EXOC6B: variants seen among roughly 807,000 people sequenced by gnomAD.
EXOC6B encodes SEC15 homolog B.
Under a neutral mutation model 113.5 loss-of-function variants are expected in EXOC6B, and 54 were observed. The observed-to-expected ratio is 0.48, with a 90% CI of 0.38 to 0.60. The LOEUF (loss-of-function observed/expected upper bound fraction) is 0.60. EXOC6B is among the 20% of genes least tolerant of loss of function. The probability of loss-of-function intolerance (pLI) is 0.00; values close to 1 mark genes in which losing one functional copy is unlikely to be tolerated. For missense variants in EXOC6B, 797 were observed against 977.5 expected (o/e 0.82, Z 2.46); for synonymous variants, 357 against 339.0 (o/e 1.05, Z -0.58).
At chr2:72,248,293 C>T (rs142053396) in intron 20 of EXOC6B, among the ~76,000 whole-genome samples, 100 of 152,204 alleles carry the variant, frequency 6.6e-4, no homozygotes, top group African/African-American at 2.3e-3. Context: ...TAAATTGAAG[C>T]TCTTTGAAGA....
At chr2:72,513,622 G>A (rs193065543) in intron 10 of EXOC6B, among the ~76,000 whole-genome samples, 1 of 151,728 alleles carries the variant, frequency 6.6e-6, no homozygotes, top group African/African-American at 2.4e-5. Flanking sequence ...AAATTTTAAA[G>A]AGATCATAAA....
intron 17 of EXOC6B, among the ~76,000 whole-genome samples, chr2:72,465,938 GA>G (rs2105422563): frequency 6.6e-6 from 1 of 152,228 alleles, no homozygotes; most frequent in South Asian, 2.1e-4. Context: ...GTGATTTAAT[GA>G]AATCCAATAG....
intron 6 of EXOC6B, among the ~76,000 whole-genome samples, chr2:72,590,473 A>C (rs1320276191): frequency 6.6e-6 from 1 of 151,968 alleles, no homozygotes; most frequent in Admixed American, 6.6e-5. Flanking sequence ...ATTCCCCAGA[A>C]ATTCTACATA....
At chr2:72,810,344 T>G (rs1267315617) in intron 1 of EXOC6B, among the ~76,000 whole-genome samples, 2 of 108,732 alleles carry the variant, frequency 1.8e-5, no homozygotes, top group Non-Finnish European at 4.0e-5. Flanking sequence ...CTAAAATAAA[T>G]AAATAAATAA....
intron 6 of EXOC6B, among the ~76,000 whole-genome samples, chr2:72,715,432 TATATAATATATAAAA>T (rs1257224840): frequency 1.4e-5 from 2 of 148,084 alleles, no homozygotes; most frequent in Non-Finnish European, 3.0e-5. Flanking sequence ...TTAAAATATA[TATATAATATATAAAA>T]ATAAAATATG....
At chr2:72,751,176 T>C (rs1682014984) in intron 1 of EXOC6B, among the ~76,000 whole-genome samples, 1 of 152,040 alleles carries the variant, frequency 6.6e-6, no homozygotes, top group African/African-American at 2.4e-5. Context: ...CCTCAGGAGG[T>C]CCTGATGACA....
intron 20 of EXOC6B, among the ~76,000 whole-genome samples, chr2:72,209,242 A>AAAAAAG (rs1680027417): frequency 8.2e-6 from 1 of 121,302 alleles, no homozygotes; most frequent in Non-Finnish European, 1.9e-5. Context: ...AAAAAAAAAA[A>AAAAAAG]AAAAAGAAAA....
chr2:72,415,433 C>T (rs1694462831), intron 18 of EXOC6B, among the ~76,000 whole-genome samples: 1 of 151,426 alleles, frequency 6.6e-6, no homozygotes, highest in African/African-American at 2.4e-5. Context: ...ACAGAAAACA[C>T]CTATATTTGA....
chr2:72,557,418 T>C lies in EXOC6B; in HGVS notation c.915+2035A>G, dbSNP rs952616885. Among the ~76,000 whole-genome samples, 6 of 150,450 alleles carry C rather than the reference T, an allele frequency of 4.0e-5. No individual in the cohort carries two copies. The East Asian group carries it at 7.9e-4, about 20-fold the overall frequency. On this transcript the variant is annotated intron_variant, in intron 8 of 21. Coordinates refer to ENST00000272427, the MANE Select transcript of EXOC6B (RefSeq NM_015189.3). Reference sequence around the variant, plus strand: ...TTTTAGATGCCTTGATACAATTCAATCTACATTTGGCTTCACCTTTATATA... The same window carrying C: ...TTTTAGATGCCTTGATACAATTCAACCTACATTTGGCTTCACCTTTATATA...
chr2:72,735,761 A>C (rs1342986402), intron 2 of EXOC6B, among the ~76,000 whole-genome samples: 1 of 152,066 alleles, frequency 6.6e-6, no homozygotes, highest in Non-Finnish European at 1.5e-5. Flanking sequence ...CGTGGGTTGC[A>C]GGGGTGGAGA....
chr2:72,705,351 C>CACAGCCAATATCATACTGAATGGG (rs1678778774), intron 6 of EXOC6B, among the ~76,000 whole-genome samples: 1 of 152,108 alleles, frequency 6.6e-6, no homozygotes, highest in Non-Finnish European at 1.5e-5. Context: ...CTATCTATGA[C>CACAGCCAATATCATACTGAATGGG]AAACCCACAG....
chr2:72,413,576 C>T lies in EXOC6B; in HGVS notation c.1981-33706G>A, dbSNP rs553710865. On this transcript the variant is annotated intron_variant, in intron 18 of 21. Transcript: ENST00000272427. ...TACGCACCTGTAATCCCAGCTACTC[C>T]GGAGGCTGAGGCAGGAGAATCACTT... 3.3e-5 allele frequency among the ~76,000 whole-genome samples: 5 copies of T among 150,962 alleles called. No individual in the cohort carries two copies. The East Asian group carries it at 7.9e-4, about 24-fold the overall frequency.
intron 6 of EXOC6B, among the ~76,000 whole-genome samples, chr2:72,678,065 T>A (rs1254762787): frequency 6.6e-6 from 1 of 152,166 alleles, no homozygotes; most frequent in Non-Finnish European, 1.5e-5. Flanking sequence ...AGATTCTCCC[T>A]CTCTCTACAG....
chr2:72,751,840 T>C (rs1317052788), intron 1 of EXOC6B, among the ~76,000 whole-genome samples: 1 of 152,066 alleles, frequency 6.6e-6, no homozygotes, highest in Non-Finnish European at 1.5e-5. Flanking sequence ...GTTCCTAGAA[T>C]TGATAAAAGA....
rs566460729 is a variant in EXOC6B at position 72,592,101 on chromosome 2, A to C, written c.670-16433T>G. 2.0e-5 allele frequency among the ~76,000 whole-genome samples: 3 copies of C among 152,240 alleles called. No homozygotes were observed. The South Asian group carries it at 6.2e-4, about 32-fold the overall frequency. ...AGAATATCCACTTCTGGCAATGGTG[A>C]ACTAGATAATTTAGATAAGAAAAAG... On this transcript the variant is annotated intron_variant, in intron 6 of 21. Transcript: ENST00000272427.
chr2:72,626,135 C>G (rs1233906949), intron 6 of EXOC6B, among the ~76,000 whole-genome samples: 1 of 152,060 alleles, frequency 6.6e-6, no homozygotes, highest in Non-Finnish European at 1.5e-5. Flanking sequence ...ATTTTCAAAA[C>G]TTATTTTTTC....
chr2:72,603,379 C>A (rs1276000085), intron 6 of EXOC6B, among the ~76,000 whole-genome samples: 1 of 151,912 alleles, frequency 6.6e-6, no homozygotes, highest in Admixed American at 6.6e-5. Context: ...CCCCCCAGCA[C>A]CTGAGAATTT....
At chr2:72,448,185 TC>T (rs1696699623) in intron 18 of EXOC6B, among the ~76,000 whole-genome samples, 1 of 152,114 alleles carries the variant, frequency 6.6e-6, no homozygotes, top group African/African-American at 2.4e-5. Flanking sequence ...ATAATTTCAT[TC>T]CCCTGTTTCT....
At chr2:72,673,342 G>A (rs1676045563) in intron 6 of EXOC6B, among the ~76,000 whole-genome samples, 1 of 152,124 alleles carries the variant, frequency 6.6e-6, no homozygotes, top group Non-Finnish European at 1.5e-5. Context: ...TGAATGAAAG[G>A]CTATGATTGA....
Sources: gnomAD v4.1 joint callset for allele counts (sites outside exome capture counted in the v4.1 genomes callset) on GRCh38, gnomAD v4.1.1 for gene constraint, MANE v1.5 for transcripts, NCBI Gene and HGNC (gene_info 2026-07-23, HGNC 2026-07-21) for gene names.